The following A2ML1 variants were observed in gnomAD, a reference collection of about 807,000 sequenced individuals.
A2ML1 encodes alpha-2-macroglobulin-like protein 1.
A2ML1 carries 161 observed loss-of-function variants against 181.9 expected under a neutral mutation model. That is an observed-to-expected ratio of 0.89 (90% CI 0.78 to 1.01). A2ML1 has a LOEUF of 1.01. A2ML1 is among the 50% of genes least tolerant of loss of function. The pLI is 0.00. For missense variants in A2ML1, 1,670 were observed against 1,768.1 expected, an observed-to-expected ratio of 0.94 and a Z score of 1.00; for synonymous variants, 663 against 666.8, an observed-to-expected ratio of 0.99 and a Z score of 0.09.
chr12:8,863,839 C>G lies in A2ML1; in HGVS notation c.3548C>G (p.Ala1183Gly). ...WSQKPTPSSN[A>G]SPWSEPAAVD... The stretch of plus-strand genomic sequence containing the variant: ...CAGAAACCTACTCCATCATCGAACG[C>G]CAGCCCTTGGTCTGAGCCTGCGGCT... The change falls in exon 29 of 36, where the codon GCC becomes GGC. Residue 1183 changes from alanine to glycine, a missense_variant. By Grantham distance (60) the Ala-to-Gly change is moderately conservative. Transcript: ENST00000299698. 6.2e-7 allele frequency: 1 copy of G among 1,614,230 alleles called. No homozygotes were observed. Among genetic ancestry groups the G allele is most frequent in the Non-Finnish European group, 8.5e-7 (1 of 1,180,026 alleles).
intron 3 of A2ML1, among the ~76,000 whole-genome samples, chr12:8,825,305 A>G (rs975959833): frequency 6.6e-6 from 1 of 152,120 alleles, no homozygotes; most frequent in Non-Finnish European, 1.5e-5. Flanking sequence ...GGGTGAGATA[A>G]TATCTCATTG....
intron 9 of A2ML1, among the ~76,000 whole-genome samples, chr12:8,838,867 A>T (rs1403976448): frequency 1.3e-5 from 2 of 149,324 alleles, no homozygotes; most frequent in Non-Finnish European, 3.0e-5. Flanking sequence ...GTGAGCCGAG[A>T]TCGTGCCACT....
At position 8,855,458 on chromosome 12, in the gene A2ML1, C is replaced by G. The variant is rs751912069; in HGVS notation, c.2765-51C>G. ...CTTCTAAAATTTTGTCTTGAGAACC[C>G]CTGCCATTCCCCATCTTCTATTGTG... On this transcript the variant is annotated intron_variant, in intron 22 of 35. Coordinates refer to ENST00000299698, the MANE Select transcript of A2ML1 (RefSeq NM_144670.6). The G allele has an allele frequency of 3.2e-6, 5 of 1,577,194 alleles. No individual in the cohort carries two copies. In the South Asian group the frequency reaches 5.6e-5, roughly 18 times the overall value.
rs367985257 is a variant in A2ML1, at chr12:8,868,638, T to C, written c.4152+11T>C. The C allele has an allele frequency of 6.2e-7, 1 of 1,610,092 alleles. No individual in the cohort carries two copies. The highest frequency in any genetic ancestry group is 8.5e-7 in the Non-Finnish European group (1 of 1,178,392). On this transcript the variant is annotated intron_variant, in intron 32 of 35. Transcript: ENST00000299698. Reference sequence around the variant, plus strand: ...GGCACCAATCAGTTAGTAAGTTACTTCTGTTTTCTTCATTTATCTAGCTGT... The same window carrying C: ...GGCACCAATCAGTTAGTAAGTTACTCCTGTTTTCTTCATTTATCTAGCTGT...
chr12:8,826,775 C>G (rs952120142), intron 3 of A2ML1, among the ~76,000 whole-genome samples: 5 of 152,064 alleles, frequency 3.3e-5, no homozygotes, highest in African/African-American at 1.2e-4. Context: ...AGCGCCACCA[C>G]CCCTGGCTAA....
At chr12:8,882,338 C>T (rs1428687219) in intron 7 of A2ML1, among the ~76,000 whole-genome samples, 1 of 152,118 alleles carries the variant, frequency 6.6e-6, no homozygotes. Context: ...CCCCTTGAAT[C>T]CCCGCCTTCA....
chr12:8,824,431 A>G lies in A2ML1; in HGVS notation c.409+549A>G, dbSNP rs1942861782. Reference sequence around the variant, plus strand: ...TTTTTATACACACACACAATGTGTAATCATTACATCAGGGTACATGTGTAT... The same window carrying G: ...TTTTTATACACACACACAATGTGTAGTCATTACATCAGGGTACATGTGTAT... On this transcript the variant is annotated intron_variant, in intron 3 of 35. Transcript: ENST00000299698. 3.9e-5 allele frequency among the ~76,000 whole-genome samples: 6 copies of G among 151,978 alleles called. No individual in the cohort carries two copies. The South Asian group carries it at 1.2e-3, about 32-fold the overall frequency.
chr12:8,857,975 G>C lies in A2ML1; in HGVS notation c.3137G>C (p.Gly1046Ala). Residue 1046 changes from glycine (G) to alanine (A), a missense_variant, in exon 26 of 36, where the codon GGC becomes GCC. Transcript: ENST00000299698. Reference sequence around the variant, plus strand: ...ACAGCGTTTGTCACAAAATGCTTTGGCCAAGCTCAGAAATTCATCTTCATT... The same window carrying C: ...ACAGCGTTTGTCACAAAATGCTTTGCCCAAGCTCAGAAATTCATCTTCATT... ...WLTAFVTKCF[G>A]QAQKFIFIDP... 1 of 1,614,098 alleles carries C rather than the reference G, an allele frequency of 6.2e-7. No individual in the cohort carries two copies. The highest frequency in any genetic ancestry group is 2.2e-5 in the East Asian group (1 of 44,882).
At chr12:8,857,475 G>T (rs114472838) in intron 24 of A2ML1, 32 bp from the exon 25 acceptor site, 1 of 1,610,014 alleles carries the variant, frequency 6.2e-7, no homozygotes, top group Non-Finnish European at 8.5e-7. Context: ...TGAAGTTGTC[G>T]CTGTGATCTA....
intron 27 of A2ML1, 31 bp downstream of exon 27, chr12:8,860,986 C>G (rs772352017): frequency 3.1e-5 from 50 of 1,612,632 alleles, no homozygotes; most frequent in Non-Finnish European, 4.1e-5. Flanking sequence ...CTCTTGATAC[C>G]CTCCTTCTCA....
intron 4 of A2ML1, among the ~76,000 whole-genome samples, chr12:8,831,732 C>T (rs1943117791): frequency 1.3e-5 from 2 of 151,804 alleles, no homozygotes; most frequent in Non-Finnish European, 2.9e-5. Flanking sequence ...ATTTGGAAAT[C>T]GAGTTTTTTT....
In A2ML1 at chr12:8,861,181, C is replaced by T. The variant is rs761067802; in HGVS notation, c.3386C>T (p.Thr1129Ile). ...QGLRCLKNSA[T>I]STTNLYTQAL... The stretch of plus-strand genomic sequence containing the variant: ...CTACGGTGTCTCAAGAATTCGGCCA[C>T]CTCCACGACCAACCTCTACACACAG... Residue 1129 changes from threonine (T) to isoleucine (I), a missense_variant, in exon 28 of 36, where the codon ACC becomes ATC. By Grantham distance (89) the Thr-to-Ile change is moderately conservative. Coordinates refer to ENST00000299698, the MANE Select transcript of A2ML1 (RefSeq NM_144670.6). The T allele has an allele frequency of 5.0e-6, 8 of 1,614,050 alleles. No homozygotes were observed. Among genetic ancestry groups the T allele is most frequent in the Non-Finnish European group, 6.8e-6 (8 of 1,180,050 alleles).
In A2ML1 at chr12:8,845,865, T is replaced by TAAATAAAATAAAATA. The variant is rs140753342; in HGVS notation, c.1538-198_1538-184dup. Among the ~76,000 whole-genome samples the TAAATAAAATAAAATA allele has an allele frequency of 4.1e-3, 539 of 131,226 alleles. 3 individuals carry two copies. The highest frequency in any genetic ancestry group is 6.7e-3 in the Non-Finnish European group (429 of 63,672). 86.1% of individuals were successfully genotyped at this position (131,226 alleles called of 152,430 possible). ...ACTCCGTCTCAAAAAAAAAAAAAAATAAATAAAATAAAATAAAATAAAATA... is the reference window on the plus strand; with the variant it reads ...ACTCCGTCTCAAAAAAAAAAAAAAATAAATAAAATAAAATAAAATAAAATAAAATAAAATAAAATA... On this transcript the variant is annotated intron_variant, in intron 13 of 35. Coordinates refer to ENST00000299698, the MANE Select transcript of A2ML1 (RefSeq NM_144670.6).
At chr12:8,835,387 A>G in intron 5 of A2ML1, 120 bp from the exon 6 acceptor site, 2 of 1,225,736 alleles carry the variant, frequency 1.6e-6, no homozygotes, top group Non-Finnish European at 2.3e-6. Context: ...GACACAGACC[A>G]CAGGGGTCAT....
In A2ML1 at chr12:8,886,024, A is replaced by T. The variant is rs925825875; in HGVS notation, c.*95-483A>T. On this transcript the variant is annotated intron_variant and NMD_transcript_variant, in intron 7 of 7. Coordinates refer to the A2ML1 transcript ENST00000537475. ...TCAACAATATCTCACACACACACAC[A>T]CACACACACACACACACACACTATA... Among the ~76,000 whole-genome samples the T allele has an allele frequency of 1.9e-3, 295 of 151,598 alleles. 4 individuals are homozygous for T. Among genetic ancestry groups the T allele is most frequent in the African/African-American group, 6.8e-3 (282 of 41,330 alleles).
At chr12:8,874,361 ACATTGCATACAGTGTAATTTT>A (rs1216317075) in intron 33 of A2ML1, 43 bp from the exon 34 acceptor site, 14 of 1,295,718 alleles carry the variant, frequency 1.1e-5, no homozygotes, top group Non-Finnish European at 1.6e-5. Flanking sequence ...CTTTTATTCC[ACATTGCATACAGTGTAATTTT>A]CATTTTACTT....
rs1294641886 is a variant in A2ML1, at chr12:8,823,296, G to A, written c.177G>A (p.Lys59=). ...AATTCACGGTTACTCTGGAGACCAA[G>A]GACAAGACCCAGAAGTTGCTAGAAT... The part of the protein sequence containing the change: ...DVKFTVTLET[K]DKTQKLLEYS... Residue 59 remains lysine (K), a synonymous_variant, in exon 2 of 36, where the codon AAG becomes AAA. Transcript: ENST00000299698. 1.2e-6 allele frequency: 2 copies of A among 1,614,002 alleles called. No individual in the cohort carries two copies. Among genetic ancestry groups the A allele is most frequent in the Admixed American group, 1.7e-5 (1 of 59,986 alleles).
intron 28 of A2ML1, among the ~76,000 whole-genome samples, chr12:8,861,957 G>A (rs767846970): frequency 4.0e-4 from 61 of 151,192 alleles, no homozygotes; most frequent in African/African-American, 1.4e-3. Context: ...AAGGGGTTTC[G>A]CCCTGTTGAC....
At chr12:8,871,648 A>C (rs1944625473) in intron 33 of A2ML1, among the ~76,000 whole-genome samples, 1 of 152,134 alleles carries the variant, frequency 6.6e-6, no homozygotes, top group African/African-American at 2.4e-5. Flanking sequence ...ATTTATCCAT[A>C]CATTTCTGCC....
Sources: allele counts gnomAD v4.1 joint callset (sites outside exome capture counted in the v4.1 genomes callset), GRCh38; gene constraint gnomAD v4.1.1; transcripts MANE v1.5; gene names NCBI Gene and HGNC (gene_info 2026-07-23, HGNC 2026-07-21).